GUCA2B: variants seen among roughly 807,000 people sequenced by gnomAD.
GUCA2B encodes prepro-uroguanylin.
Under a neutral mutation model 11.1 loss-of-function variants are expected in GUCA2B, and 7 were observed. That is an observed-to-expected ratio of 0.63 (90% CI 0.36 to 1.18). The LOEUF (loss-of-function observed/expected upper bound fraction) is 1.18, where lower values mean the gene tolerates loss of function less well. Among genes scored for constraint, GUCA2B ranks in the 50% most tolerant of loss-of-function variants. The pLI, the probability that GUCA2B is intolerant of heterozygous loss-of-function variation, is 0.02. For synonymous variants in GUCA2B, 69 were observed against 65.3 expected, an observed-to-expected ratio of 1.06 and a Z score of -0.27; for missense variants, 140 against 142.5, an observed-to-expected ratio of 0.98 and a Z score of 0.09.
In GUCA2B at chr1:42,154,850, C is replaced by G; in HGVS notation, c.261C>G (p.Ser87Arg). The change falls in exon 2 of 3, where the codon AGC (serine) becomes AGG (arginine). Residue 87 changes from serine (S) to arginine (R), a missense_variant. Coordinates refer to ENST00000372581, the MANE Select transcript of GUCA2B (RefSeq NM_007102.3). ...QPVCASQEAS[S>R]IFKTLRTIAN... ...TCTGCGCCTCGCAGGAGGCTTCCAG[C>G]ATCTTCAAGACCCTGAGTAAGTGCC... The G allele has an allele frequency of 6.2e-7, 1 of 1,612,920 alleles. No homozygotes were observed. The highest frequency in any genetic ancestry group is 1.3e-5 in the African/African-American group (1 of 75,062).
At chr1:42,154,647 G>T in intron 1 of GUCA2B, 33 bp from the exon 2 acceptor site, 8 of 1,588,800 alleles carry the variant, frequency 5.0e-6, no homozygotes, top group Non-Finnish European at 6.9e-6. Context: ...ACCAGGTCTT[G>T]ACCTGCTCCT....
At chr1:42,153,916 G>C (rs147681847) in intron 1 of GUCA2B, among the ~76,000 whole-genome samples, 1 of 152,168 alleles carries the variant, frequency 6.6e-6, no homozygotes, top group African/African-American at 2.4e-5. Context: ...AGGAGGACAG[G>C]CTCCAGAAAA....
In GUCA2B at chr1:42,153,496, G is replaced by T. The variant is rs759021197; in HGVS notation, c.46G>T (p.Val16Phe). 4 of 1,612,826 alleles carry T rather than the reference G, an allele frequency of 2.5e-6. No individual in the cohort carries two copies. Among genetic ancestry groups the T allele is most frequent in the Non-Finnish European group, 2.5e-6 (3 of 1,179,812 alleles). ...ASGLLPGVAVVLLLLLQSTQS... is the reference protein window; with the variant it reads ...ASGLLPGVAVFLLLLLQSTQS... The stretch of plus-strand genomic sequence containing the variant: ...AGGGCTCCTGCCAGGAGTGGCCGTG[G>T]TCCTCCTGCTGCTGCTGCAGAGCAC... Residue 16 changes from valine to phenylalanine, a missense_variant, in exon 1 of 3, where the codon GTC (valine) becomes TTC (phenylalanine). Coordinates refer to ENST00000372581, the MANE Select transcript of GUCA2B (RefSeq NM_007102.3).
chr1:42,154,243 G>T (rs1368703837), intron 1 of GUCA2B, among the ~76,000 whole-genome samples: 1 of 152,154 alleles, frequency 6.6e-6, no homozygotes, highest in Non-Finnish European at 1.5e-5. Context: ...CCAGAGAGGG[G>T]TGCAGGAGAC....
chr1:42,154,634 T>C (rs750485606), intron 1 of GUCA2B, 46 bp from the exon 2 acceptor site: 172 of 1,512,422 alleles, frequency 1.1e-4, no homozygotes, highest in Non-Finnish European at 1.5e-4. Context: ...TGCCTGCCCC[T>C]GGACCAGGTC....
At position 42,155,741 on chromosome 1, in the gene GUCA2B, C is replaced by G. The variant is rs1324913189; in HGVS notation, c.*145C>G. On this transcript the variant is annotated 3_prime_UTR_variant, in exon 3 of 3. Coordinates refer to ENST00000372581, the MANE Select transcript of GUCA2B (RefSeq NM_007102.3). ...CCTTCCAGGGCCTGAGCAGCTGGAT[C>G]TGGTACAAAGCAATCGGACATAGAG... is the stretch of plus-strand genomic sequence containing the variant. 2.8e-6 allele frequency: 2 copies of G among 721,670 alleles called. No homozygotes were observed. The highest frequency in any genetic ancestry group is 2.0e-5 in the Admixed American group (1 of 50,132). The allele number at this position is 721,670 out of a possible 1,614,324, so 44.7% of individuals were successfully genotyped here. A position where few individuals can be genotyped will look rare whatever the true frequency, so the allele number is the denominator to read the frequency against.
chr1:42,155,408 C>G (rs1328019826), intron 2 of GUCA2B, 127 bp from the exon 3 acceptor site: 1 of 773,556 alleles, frequency 1.3e-6, no homozygotes, highest in Admixed American at 1.9e-5. Context: ...CAAGCCCTCA[C>G]TCCACCTCTA....
In GUCA2B at chr1:42,154,482, C is replaced by T. The variant is rs964182251; in HGVS notation, c.91-198C>T. On this transcript the variant is annotated intron_variant, in intron 1 of 2. Transcript: ENST00000372581. The stretch of plus-strand genomic sequence containing the variant: ...CTTGTCTGTCTCTAAAGCCTCGAAC[C>T]ACTGTGCTCCACAGCCCCGCTGCTT... Among the ~76,000 whole-genome samples the T allele has an allele frequency of 3.9e-5, 6 of 152,218 alleles. No individual in the cohort carries two copies. The East Asian group carries it at 9.6e-4, about 24-fold the overall frequency.
chr1:42,153,645 G>T, intron 1 of GUCA2B, 105 bp downstream of exon 1: 5 of 801,996 alleles, frequency 6.2e-6, no homozygotes, highest in Non-Finnish European at 8.1e-6. Flanking sequence ...GGGAGCACGG[G>T]GCCCGGGGCT....
chr1:42,155,422 G>A (rs1569691269), intron 2 of GUCA2B, 113 bp from the exon 3 acceptor site: 21 of 853,888 alleles, frequency 2.5e-5, no homozygotes, highest in Middle Eastern at 2.2e-4. Flanking sequence ...ACCTCTAGAC[G>A]TTCCTGCTCC....
chr1:42,154,919 G>T, intron 2 of GUCA2B, 53 bp downstream of exon 2: 1 of 1,429,854 alleles, frequency 7.0e-7, no homozygotes, highest in South Asian at 1.3e-5. Flanking sequence ...CCACGCCCAG[G>T]CTCCTCCACC....
rs373014813 is a variant in GUCA2B at position 42,155,548 on chromosome 1, C to T, written c.291C>T (p.Asn97=). Residue 97 remains asparagine, a synonymous_variant, in exon 3 of 3, where the codon AAC becomes AAT. Transcript: ENST00000372581. The part of the protein sequence containing the change: ...SIFKTLRTIA[N]DDCELCVNVA... ...CTCCCTGCCCAGGGACCATCGCTAA[C>T]GACGACTGTGAGCTGTGTGTGAACG... 9.5e-5 allele frequency: 153 copies of T among 1,613,836 alleles called. No individual in the cohort carries two copies. The highest frequency in any genetic ancestry group is 7.2e-4 in the Admixed American group (43 of 60,014).
chr1:42,155,488 CAG>C, intron 2 of GUCA2B, 45 bp from the exon 3 acceptor site: 1 of 1,504,530 alleles, frequency 6.6e-7, no homozygotes, highest in Non-Finnish European at 9.3e-7. Context: ...TGCCTGGCCA[CAG>C]AGGGCCCAGG....
In GUCA2B at chr1:42,153,481, C is replaced by A. The variant is rs2297567; in HGVS notation, c.31C>A (p.Pro11Thr). 296,106 of 1,611,202 alleles carry A rather than the reference C, an allele frequency of 0.18. 28,119 individuals carry two copies. Among genetic ancestry groups the A allele is most frequent in the South Asian group, 0.26 (23,208 of 91,008 alleles). MGCRAASGLL[P>T]GVAVVLLLLL... Reference sequence around the variant, plus strand: ...CTGCAGGGCTGCATCAGGGCTCCTGCCAGGAGTGGCCGTGGTCCTCCTGCT... The same window carrying A: ...CTGCAGGGCTGCATCAGGGCTCCTGACAGGAGTGGCCGTGGTCCTCCTGCT... Residue 11 changes from proline (P) to threonine (T), a missense_variant, in exon 1 of 3, where the codon CCA becomes ACA. Transcript: ENST00000372581.
chr1:42,155,429 C>G (rs1646104641), intron 2 of GUCA2B, 106 bp from the exon 3 acceptor site: 1 of 894,056 alleles, frequency 1.1e-6, no homozygotes, highest in East Asian at 2.4e-5. Flanking sequence ...GACGTTCCTG[C>G]TCCCAGTCTG....
Position 42,154,629 on chromosome 1 carries a change from G to A in GUCA2B, c.91-51G>A, listed in dbSNP as rs753756812. The A allele has an allele frequency of 8.8e-6, 13 of 1,472,636 alleles. 1 individual carries two copies. The South Asian group carries it at 1.4e-4, about 15-fold the overall frequency. The allele number at this position is 1,472,636 out of a possible 1,614,324, so 91.2% of individuals were successfully genotyped here. On this transcript the variant is annotated intron_variant, in intron 1 of 2. Transcript: ENST00000372581. ...AACCCTGGGTGTCATGGCAGTGCCT[G>A]CCCCTGGACCAGGTCTTGACCTGCT...
Position 42,155,592 on chromosome 1 carries a change from T to C in GUCA2B, c.335T>C (p.Leu112Pro), listed in dbSNP as rs1646105538. 1 of 1,613,116 alleles carries C rather than the reference T, an allele frequency of 6.2e-7. No individual in the cohort carries two copies. The highest frequency in any genetic ancestry group is 1.3e-5 in the African/African-American group (1 of 75,002). Residue 112 changes from leucine to proline, a missense_variant, in exon 3 of 3, where the codon CTC becomes CCC. Leu to Pro is a moderately conservative substitution (Grantham distance 98). Coordinates refer to ENST00000372581, the MANE Select transcript of GUCA2B (RefSeq NM_007102.3). ...LCVNVACTGC[L>P] ...GTGAACGTTGCGTGTACCGGCTGCC[T>C]CTGAGATAGCCCTGGGTACCCTGAG... is the stretch of plus-strand genomic sequence containing the variant.
chr1:42,155,111 AG>A (rs1646103340), intron 2 of GUCA2B, among the ~76,000 whole-genome samples: 1 of 152,104 alleles, frequency 6.6e-6, no homozygotes, highest in African/African-American at 2.4e-5. Flanking sequence ...GGCTGCGTGG[AG>A]CAGAGAGGAG....
Position 42,155,686 on chromosome 1 carries a change from T to C in GUCA2B, c.*90T>C. ...CTTCCATCCCCGTCCATGCTCAAGA[T>C]GGGTCCCTGGCCACCATGGTCATCA... On this transcript the variant is annotated 3_prime_UTR_variant, in exon 3 of 3. Transcript: ENST00000372581. 1 of 981,680 alleles carries C rather than the reference T, an allele frequency of 1.0e-6. No individual in the cohort carries two copies. The highest frequency in any genetic ancestry group is 1.7e-6 in the Non-Finnish European group (1 of 605,340). The allele number at this position is 981,680 out of a possible 1,614,324, so 60.8% of individuals were successfully genotyped here.
Sources: gnomAD v4.1 joint callset for allele counts (sites outside exome capture counted in the v4.1 genomes callset) on GRCh38, gnomAD v4.1.1 for gene constraint, MANE v1.5 for transcripts, NCBI Gene and HGNC (gene_info 2026-07-23, HGNC 2026-07-21) for gene names.